Variants in MYO5A observed in about 807,000 individuals in gnomAD.
MYO5A encodes myosin VA.
MYO5A carries 98 observed loss-of-function variants against 249.7 expected under a neutral mutation model. The observed-to-expected ratio is 0.39, with a 90% CI of 0.33 to 0.46. The LOEUF (loss-of-function observed/expected upper bound fraction) is 0.46. Ranked by LOEUF, MYO5A falls within the 20% of genes least tolerant of loss-of-function variation. MYO5A has a pLI of 0.98. For missense variants in MYO5A, 1,696 were observed against 2,308.8 expected, an observed-to-expected ratio of 0.73 and a Z score of 5.44; for synonymous variants, 778 against 810.6, an observed-to-expected ratio of 0.96 and a Z score of 0.68.
At chr15:52,338,973 C>CA (rs1388109282) in intron 32 of MYO5A, among the ~76,000 whole-genome samples, 1 of 152,064 alleles carries the variant, frequency 6.6e-6, no homozygotes, top group Admixed American at 6.6e-5. Flanking sequence ...TTAATTTAAG[C>CA]AACAGTATAC....
At position 52,367,125 on chromosome 15, in the gene MYO5A, C is replaced by G; in HGVS notation, c.3067-1G>C. 1 of 1,612,310 alleles carries G rather than the reference C, an allele frequency of 6.2e-7. No individual in the cohort carries two copies. Among genetic ancestry groups the G allele is most frequent in the Non-Finnish European group, 8.5e-7 (1 of 1,178,798 alleles). On this transcript the variant is annotated splice_acceptor_variant, in intron 22 of 41. Transcript: ENST00000399233. LOFTEE classifies it high-confidence loss of function. ...TTTCTTCCTTCAGATTTGATACCAG[C>G]TACGAAATGAAACAATAAACTGAGA...
intron 1 of MYO5A, among the ~76,000 whole-genome samples, chr15:52,502,835 A>T (rs958440262): frequency 6.6e-6 from 1 of 152,262 alleles, no homozygotes; most frequent in African/African-American, 2.4e-5. Context: ...TCAGCAAACG[A>T]TACAAATTTA....
intron 36 of MYO5A, 103 bp downstream of exon 36, chr15:52,327,749 A>C: frequency 7.9e-7 from 1 of 1,261,298 alleles, no homozygotes; most frequent in African/African-American, 1.5e-5. Context: ...GAAAGTTTTA[A>C]TAACAAGCAA....
intron 11 of MYO5A, among the ~76,000 whole-genome samples, chr15:52,393,012 G>A (rs920117918): frequency 2.0e-5 from 3 of 152,282 alleles, no homozygotes; most frequent in East Asian, 1.9e-4. Context: ...AAGCTAGTCC[G>A]GGTGGGAAGG....
intron 4 of MYO5A, among the ~76,000 whole-genome samples, chr15:52,417,751 C>T (rs2141257391): frequency 6.6e-6 from 1 of 150,508 alleles, no homozygotes. Flanking sequence ...CTCTCTGCCT[C>T]ACATGCTCAT....
intron 1 of MYO5A, among the ~76,000 whole-genome samples, chr15:52,439,707 A>C (rs2075746232): frequency 1.3e-5 from 2 of 152,216 alleles, no homozygotes; most frequent in Admixed American, 6.5e-5. Flanking sequence ...TCAGAGGCTT[A>C]AAGAAGAGAG....
chr15:52,434,190 G>A (rs2075609676), intron 1 of MYO5A, among the ~76,000 whole-genome samples: 2 of 151,660 alleles, frequency 1.3e-5, no homozygotes, highest in Non-Finnish European at 2.9e-5. Context: ...AGTAGAGACG[G>A]GGTTTCACCA....
At chr15:52,342,007 C>T (rs988721929) in intron 31 of MYO5A, among the ~76,000 whole-genome samples, 3 of 146,594 alleles carry the variant, frequency 2.0e-5, no homozygotes, top group Non-Finnish European at 4.6e-5. Context: ...TTCATAATAA[C>T]CACACAGAGT....
At position 52,366,767 on chromosome 15, in the gene MYO5A, A is replaced by T. The variant is rs142950315; in HGVS notation, c.3160+264T>A. On this transcript the variant is annotated intron_variant, in intron 23 of 41. Coordinates refer to ENST00000399233, the MANE Select transcript of MYO5A (RefSeq NM_001382347.1). The stretch of plus-strand genomic sequence containing the variant: ...CACACATGCAGAACAAATTAATTTT[A>T]AAAAAAAATTACATATGACACTGAC... 9.3e-3 allele frequency among the ~76,000 whole-genome samples: 1,415 copies of T among 151,712 alleles called. 20 individuals are homozygous for T. Among genetic ancestry groups the T allele is most frequent in the African/African-American group, 0.032 (1,312 of 41,412 alleles).
intron 1 of MYO5A, among the ~76,000 whole-genome samples, chr15:52,450,323 G>A (rs1038892152): frequency 6.6e-6 from 1 of 151,914 alleles, no homozygotes; most frequent in Non-Finnish European, 1.5e-5. Flanking sequence ...GTACGTAGAA[G>A]GCAGTTGATA....
intron 15 of MYO5A, 31 bp from the exon 16 acceptor site, chr15:52,383,219 A>C: frequency 6.5e-7 from 1 of 1,538,740 alleles, no homozygotes; most frequent in South Asian, 1.1e-5. Context: ...GAGGGTATCA[A>C]GGCTTTGTCC....
chr15:52,461,669 A>G (rs1464604874), intron 1 of MYO5A, among the ~76,000 whole-genome samples: 1 of 152,148 alleles, frequency 6.6e-6, no homozygotes, highest in East Asian at 1.9e-4. Context: ...ACCCCATAAA[A>G]ACTGTGTGAT....
chr15:52,461,146 T>C (rs2076240546), intron 1 of MYO5A, among the ~76,000 whole-genome samples: 1 of 152,096 alleles, frequency 6.6e-6, no homozygotes. Context: ...GGAGACTAGG[T>C]GTCAACATGT....
rs1304267007 is a variant in MYO5A, at chr15:52,371,981, T to C, written c.2817+143A>G. On this transcript the variant is annotated intron_variant, in intron 21 of 41. Transcript: ENST00000399233. ...CCTTATGAGTTCATAAGTACTTCCA[T>C]GCCCATTATGGAAATAAATACGGTC... 15 of 1,169,470 alleles carry C rather than the reference T, an allele frequency of 1.3e-5. No individual in the cohort carries two copies. The African/African-American group carries it at 2.0e-4, about 15-fold the overall frequency. The allele number at this position is 1,169,470 out of a possible 1,614,324, so 72.4% of individuals were successfully genotyped here.
chr15:52,359,988 C>A lies in MYO5A; in HGVS notation c.3403G>T (p.Asp1135Tyr). 1 of 1,610,906 alleles carries A rather than the reference C, an allele frequency of 6.2e-7. No individual in the cohort carries two copies. Among genetic ancestry groups the A allele is most frequent in the Non-Finnish European group, 8.5e-7 (1 of 1,177,406 alleles). The change falls in exon 25 of 42, where the codon GAC becomes TAC. Residue 1135 changes from aspartate (D) to tyrosine (Y), a missense_variant. Asp to Tyr is a radical substitution (Grantham distance 160). Transcript: ENST00000399233. ...IFSSEIAEME[D>Y]IPSRTEEPSE... ...TGTACCTCTGTCCTTGATGGAATGT[C>A]TTCCATTTCTGCAATTTCAGAGCTA... is the stretch of plus-strand genomic sequence containing the variant.
intron 1 of MYO5A, among the ~76,000 whole-genome samples, chr15:52,524,591 A>T (rs1006234313): frequency 2.0e-5 from 3 of 150,028 alleles, no homozygotes; most frequent in Non-Finnish European, 3.0e-5. Context: ...ATAAATAAAT[A>T]AAATAGGCTG....
intron 22 of MYO5A, among the ~76,000 whole-genome samples, chr15:52,367,623 T>C (rs966726325): frequency 9.9e-5 from 15 of 151,862 alleles, no homozygotes; most frequent in African/African-American, 3.6e-4. Context: ...ATTAAGGAGG[T>C]TAAGAAGGAT....
intron 1 of MYO5A, among the ~76,000 whole-genome samples, chr15:52,459,284 G>A (rs1242757180): frequency 1.3e-5 from 2 of 150,676 alleles, no homozygotes; most frequent in African/African-American, 4.9e-5. Context: ...AAGGTCTCTG[G>A]TTTTCCTAGG....
At chr15:52,516,831 C>T (rs2077505995) in intron 1 of MYO5A, among the ~76,000 whole-genome samples, 1 of 152,156 alleles carries the variant, frequency 6.6e-6, no homozygotes, top group Admixed American at 6.5e-5. Flanking sequence ...GTCCTGATAA[C>T]ATATTATCAG....
Sources: gnomAD v4.1 joint callset for allele counts (sites outside exome capture counted in the v4.1 genomes callset) on GRCh38, gnomAD v4.1.1 for gene constraint, MANE v1.5 for transcripts, NCBI Gene and HGNC (gene_info 2026-07-23, HGNC 2026-07-21) for gene names.